The following ACSS2 variants were observed in gnomAD, a reference collection of about 807,000 sequenced individuals.
ACSS2 encodes acetyl-coenzyme A synthetase, cytoplasmic.
ACSS2 carries 58 observed loss-of-function variants against 90.6 expected under a neutral mutation model. The ratio of observed to expected loss-of-function variants is 0.64; its 90% CI spans 0.52 to 0.80. The LOEUF (loss-of-function observed/expected upper bound fraction) is 0.80. Ranked by LOEUF, ACSS2 falls within the 30% of genes least tolerant of loss-of-function variation. The probability of loss-of-function intolerance (pLI) is 0.00; values close to 1 mark genes in which losing one functional copy is unlikely to be tolerated. For synonymous variants in ACSS2, 300 were observed against 330.9 expected (o/e 0.91, Z 1.01); for missense variants, 759 against 912.0 (o/e 0.83, Z 2.16).
chr20:34,882,308 G>A (rs1568960748), intron 1 of ACSS2, among the ~76,000 whole-genome samples: 1 of 152,144 alleles, frequency 6.6e-6, no homozygotes. Context: ...CAGCCCAAGA[G>A]AATAGAAGAT....
intron 1 of ACSS2, among the ~76,000 whole-genome samples, chr20:34,879,542 A>C (rs979378080): frequency 3.2e-4 from 46 of 145,566 alleles, no homozygotes; most frequent in Admixed American, 2.7e-3. Flanking sequence ...TACCCCCCCC[A>C]AAAAAACCCA....
intron 8 of ACSS2, 55 bp from the exon 9 acceptor site, chr20:34,920,484 G>T: frequency 6.4e-7 from 1 of 1,551,094 alleles, no homozygotes; most frequent in South Asian, 1.2e-5. Context: ...GCCTCCATTT[G>T]GTGGTCAGTA....
intron 2 of ACSS2, among the ~76,000 whole-genome samples, chr20:34,898,593 C>A (rs1162050741): frequency 6.6e-6 from 1 of 152,194 alleles, no homozygotes; most frequent in Non-Finnish European, 1.5e-5. Context: ...CAAGGCCCCA[C>A]CAGAGTAGCT....
At chr20:34,900,384 A>G (rs1045327029) in intron 2 of ACSS2, among the ~76,000 whole-genome samples, 3 of 150,532 alleles carry the variant, frequency 2.0e-5, no homozygotes, top group Admixed American at 6.6e-5. Context: ...CATGTTGGCC[A>G]GGCTGGTGTC....
chr20:34,920,894 G>A, intron 9 of ACSS2, 112 bp from the exon 10 acceptor site: 2 of 1,537,044 alleles, frequency 1.3e-6, no homozygotes, highest in Non-Finnish European at 1.8e-6. Flanking sequence ...TGGCCAGGGA[G>A]TGAAGATATG....
intron 2 of ACSS2, among the ~76,000 whole-genome samples, chr20:34,905,670 T>G (rs1330656282): frequency 6.6e-6 from 1 of 152,230 alleles, no homozygotes; most frequent in Non-Finnish European, 1.5e-5. Flanking sequence ...GAACCAAGTT[T>G]AGGTACTAGA....
At position 34,927,132 on chromosome 20, in the gene ACSS2, A is replaced by G; in HGVS notation, c.2024A>G (p.His675Arg). 3.7e-6 allele frequency: 6 copies of G among 1,614,154 alleles called. No individual in the cohort carries two copies. The highest frequency in any genetic ancestry group is 5.1e-6 in the Non-Finnish European group (6 of 1,180,022). The stretch of plus-strand genomic sequence containing the variant: ...CTTCGGAAGATTGCTCAGAATGACC[A>G]TGACCTCGGGGACATGTCTACTGTG... The part of the protein sequence containing the change: ...RVLRKIAQND[H>R]DLGDMSTVAD... Residue 675 changes from histidine (H) to arginine (R), a missense_variant, in exon 18 of 18, where the codon CAT (histidine) becomes CGT (arginine). Physicochemically the swap from His to Arg is conservative, Grantham distance 29 (BLOSUM62 0). Coordinates refer to ENST00000360596, the MANE Select transcript of ACSS2 (RefSeq NM_018677.4). The surrounding 1 kb of genome is among the most constrained non-coding windows in gnomAD (Gnocchi z 4.2).
At chr20:34,891,914 G>T (rs568535904) in intron 2 of ACSS2, among the ~76,000 whole-genome samples, 1 of 152,306 alleles carries the variant, frequency 6.6e-6, no homozygotes, top group South Asian at 2.1e-4. Context: ...CTTGAGGCCT[G>T]TTTCAGTGTC....
At chr20:34,884,762 A>C (rs1568963695) in intron 2 of ACSS2, among the ~76,000 whole-genome samples, 1 of 152,310 alleles carries the variant, frequency 6.6e-6, no homozygotes, top group East Asian at 1.9e-4. Context: ...AAAACCTTTA[A>C]AGATCTTCAA....
intron 1 of ACSS2, among the ~76,000 whole-genome samples, chr20:34,878,986 G>A (rs2079996645): frequency 6.9e-6 from 1 of 144,618 alleles, no homozygotes. Flanking sequence ...CTCACTGCAA[G>A]CTCCGCCTCC....
intron 2 of ACSS2, among the ~76,000 whole-genome samples, chr20:34,894,477 G>A (rs1421891917): frequency 2.0e-5 from 3 of 151,996 alleles, no homozygotes; most frequent in Admixed American, 6.6e-5. Flanking sequence ...GTGACAGAGT[G>A]AGACTCTGTC....
chr20:34,880,534 A>G (rs1190146986), intron 1 of ACSS2, among the ~76,000 whole-genome samples: 1 of 151,990 alleles, frequency 6.6e-6, no homozygotes, highest in African/African-American at 2.4e-5. Context: ...ACAAAGAGCG[A>G]GACACCGAGC....
chr20:34,913,289 CAGA>C, intron 3 of ACSS2, 101 bp from the exon 4 acceptor site: 4 of 1,549,440 alleles, frequency 2.6e-6, no homozygotes, highest in Non-Finnish European at 3.6e-6. Context: ...AATTTGGTAA[CAGA>C]GGAAGAGAAC....
At chr20:34,906,338 A>C (rs1390973840) in intron 2 of ACSS2, among the ~76,000 whole-genome samples, 1 of 151,218 alleles carries the variant, frequency 6.6e-6, no homozygotes, top group Non-Finnish European at 1.5e-5. Context: ...CCGTCTCAAA[A>C]AAAAAAAAAA....
rs143832046 is a variant in ACSS2, at chr20:34,913,780, T to C, written c.598T>C (p.Cys200Arg). ...TGCAGGCTTCTCTTCAGAGTCTCTATGTGAACGGATCTTGGATTCCAGCTG... is the reference window on the plus strand; with the variant it reads ...TGCAGGCTTCTCTTCAGAGTCTCTACGTGAACGGATCTTGGATTCCAGCTG... ...VFAGFSSESL[C>R]ERILDSSCSL... The change falls in exon 5 of 18, where the codon TGT becomes CGT. Residue 200 changes from cysteine (C) to arginine (R), a missense_variant. Cys to Arg is a radical substitution (Grantham distance 180). Transcript: ENST00000360596. 5 of 1,614,046 alleles carry C rather than the reference T, an allele frequency of 3.1e-6. No homozygotes were observed. Among genetic ancestry groups the C allele is most frequent in the African/African-American group, 1.3e-5 (1 of 74,922 alleles).
chr20:34,907,243 G>C (rs546329310), intron 2 of ACSS2, among the ~76,000 whole-genome samples: 2 of 151,844 alleles, frequency 1.3e-5, no homozygotes, highest in South Asian at 4.2e-4. Context: ...ACAGCCTCCT[G>C]AGTAGCTGGG....
At chr20:34,879,124 T>C (rs1165704464) in intron 1 of ACSS2, among the ~76,000 whole-genome samples, 1 of 151,942 alleles carries the variant, frequency 6.6e-6, no homozygotes, top group African/African-American at 2.4e-5. Flanking sequence ...CAGGATGGTC[T>C]CGATCTCCTG....
At chr20:34,914,251 G>A (rs1168467448) in intron 6 of ACSS2, 72 bp from the exon 7 acceptor site, 1 of 1,601,710 alleles carries the variant, frequency 6.2e-7, no homozygotes, top group Non-Finnish European at 8.5e-7. Flanking sequence ...TACCCTAAAT[G>A]GACATGGGTG....
chr20:34,879,496 G>GACAC (rs11467604), intron 1 of ACSS2, among the ~76,000 whole-genome samples: 8,529 of 147,736 alleles, frequency 0.058, 375 homozygotes, highest in African/African-American at 0.11. Context: ...TCCAGATTCT[G>GACAC]ACACACACAC....
Sources: allele counts gnomAD v4.1 joint callset (sites outside exome capture counted in the v4.1 genomes callset), GRCh38; gene constraint gnomAD v4.1.1; non-coding constraint Gnocchi (gnomAD v3.1); transcripts MANE v1.5; gene names NCBI Gene and HGNC (gene_info 2026-07-23, HGNC 2026-07-21).